The following CGNL1 variants were observed in gnomAD, a reference collection of about 807,000 sequenced individuals.
CGNL1 encodes cingulin like 1, also known as cingulin-like protein 1.
In CGNL1, 132 loss-of-function variants were observed where a neutral mutation model predicts 141.2. The observed-to-expected ratio is 0.93, with a 90% CI of 0.81 to 1.08. The LOEUF is 1.08. CGNL1 is among the 50% of genes least tolerant of loss of function. CGNL1 has a pLI of 0.00. For synonymous variants in CGNL1, 690 were observed against 622.1 expected, an observed-to-expected ratio of 1.11 and a Z score of -1.63; for missense variants, 1,870 against 1,588.6, an observed-to-expected ratio of 1.18 and a Z score of -3.01.
chr15:57,466,271 C>T (rs1390752412), intron 8 of CGNL1, among the ~76,000 whole-genome samples: 1 of 152,014 alleles, frequency 6.6e-6, no homozygotes, highest in Admixed American at 6.5e-5. Flanking sequence ...CTTCTTCTTC[C>T]TTGGGTTCGT....
At chr15:57,538,353 TGTTAA>T (rs1184852131) in intron 14 of CGNL1, among the ~76,000 whole-genome samples, 2 of 152,264 alleles carry the variant, frequency 1.3e-5, no homozygotes, top group Non-Finnish European at 2.9e-5. Context: ...TCACAGTAAC[TGTTAA>T]GTTTTATGGC....
At chr15:57,535,893 C>T (rs1485360591) in intron 14 of CGNL1, among the ~76,000 whole-genome samples, 2 of 152,298 alleles carry the variant, frequency 1.3e-5, no homozygotes, top group East Asian at 1.9e-4. Flanking sequence ...CCTTTCCATG[C>T]CTCCATTCTT....
chr15:57,500,838 G>A (rs1285672816), intron 8 of CGNL1, among the ~76,000 whole-genome samples: 1 of 152,100 alleles, frequency 6.6e-6, no homozygotes, highest in Non-Finnish European at 1.5e-5. Flanking sequence ...AGGAACAGAG[G>A]GCGCTAACAT....
chr15:57,507,649 A>G (rs1319255804), intron 8 of CGNL1, among the ~76,000 whole-genome samples: 1 of 152,258 alleles, frequency 6.6e-6, no homozygotes, highest in African/African-American at 2.4e-5. Context: ...TGTAAACTCT[A>G]CAAGTACGGC....
chr15:57,392,035 T>TG (rs2062549760), intron 1 of CGNL1, among the ~76,000 whole-genome samples: 2 of 150,088 alleles, frequency 1.3e-5, no homozygotes, highest in South Asian at 2.1e-4. Context: ...CATAAGATGG[T>TG]GAAAAAAAAG....
At chr15:57,520,080 G>A (rs2031145213) in intron 10 of CGNL1, among the ~76,000 whole-genome samples, 1 of 152,234 alleles carries the variant, frequency 6.6e-6, no homozygotes, top group African/African-American at 2.4e-5. Flanking sequence ...TGTTTTCCCA[G>A]TGGTGTGGGG....
intron 1 of CGNL1, among the ~76,000 whole-genome samples, chr15:57,411,565 T>G (rs2062787772): frequency 6.6e-6 from 1 of 151,212 alleles, no homozygotes; most frequent in African/African-American, 2.4e-5. Flanking sequence ...TGCTTCACCC[T>G]CCCAAGTATC....
At chr15:57,467,449 G>A (rs1333950870) in intron 8 of CGNL1, among the ~76,000 whole-genome samples, 1 of 152,112 alleles carries the variant, frequency 6.6e-6, no homozygotes, top group Admixed American at 6.5e-5. Flanking sequence ...GAGATGTCTG[G>A]GCTGGGCTTT....
At chr15:57,515,289 C>G (rs956135970) in intron 8 of CGNL1, among the ~76,000 whole-genome samples, 1 of 152,196 alleles carries the variant, frequency 6.6e-6, no homozygotes, top group African/African-American at 2.4e-5. Flanking sequence ...TGGGCTTTCT[C>G]TGTTGTATAG....
chr15:57,433,045 A>G (rs555533109), intron 1 of CGNL1, among the ~76,000 whole-genome samples: 2 of 152,328 alleles, frequency 1.3e-5, no homozygotes, highest in South Asian at 4.1e-4. Flanking sequence ...CAGCATAAGA[A>G]CTGATTTTTC....
At chr15:57,492,419 G>T (rs113637550) in intron 8 of CGNL1, among the ~76,000 whole-genome samples, 190 of 152,306 alleles carry the variant, frequency 1.2e-3, no homozygotes, top group African/African-American at 4.1e-3. Flanking sequence ...AGGAAACTTT[G>T]TGAGCAATAG....
At chr15:57,502,185 G>C (rs1455204717) in intron 8 of CGNL1, among the ~76,000 whole-genome samples, 2 of 152,208 alleles carry the variant, frequency 1.3e-5, no homozygotes, top group East Asian at 3.8e-4. Flanking sequence ...AGACAGGATG[G>C]TATGAGGGTG....
chr15:57,464,668 T>TC (rs2063487531), intron 8 of CGNL1, among the ~76,000 whole-genome samples: 1 of 142,142 alleles, frequency 7.0e-6, no homozygotes, highest in African/African-American at 2.6e-5. Flanking sequence ...CTCTGCGGTT[T>TC]CTTTTCCTTT....
chr15:57,448,172 T>C (rs777988377), intron 4 of CGNL1, among the ~76,000 whole-genome samples: 18 of 152,066 alleles, frequency 1.2e-4, no homozygotes, highest in Non-Finnish European at 2.6e-4. Flanking sequence ...TTGCCAGGCA[T>C]GGTGGCTCAT....
chr15:57,473,830 G>A (rs2063613522), intron 8 of CGNL1, among the ~76,000 whole-genome samples: 1 of 150,560 alleles, frequency 6.6e-6, no homozygotes, highest in African/African-American at 2.4e-5. Flanking sequence ...CATCTTGACT[G>A]CAGCCTCATC....
At position 57,439,469 on chromosome 15, in the gene CGNL1, G is replaced by A. The variant is rs758390323; in HGVS notation, c.1470G>A (p.Gln490=). The A allele has an allele frequency of 1.2e-6, 2 of 1,614,096 alleles. No homozygotes were observed. The highest frequency in any genetic ancestry group is 1.7e-6 in the Non-Finnish European group (2 of 1,180,046). Residue 490 remains glutamine, a synonymous_variant, in exon 2 of 19, where the codon CAG becomes CAA. Transcript: ENST00000281282. ...TVIRAPSLGA[Q]SKKEEEVKTA... Reference sequence around the variant, plus strand: ...TCCGTGCGCCCTCCCTTGGTGCACAGAGTAAAAAGGAGGAGGAGGTGAAAA... The same window carrying A: ...TCCGTGCGCCCTCCCTTGGTGCACAAAGTAAAAAGGAGGAGGAGGTGAAAA...
intron 3 of CGNL1, among the ~76,000 whole-genome samples, chr15:57,441,799 C>T (rs957332152): frequency 1.1e-4 from 17 of 152,242 alleles, no homozygotes; most frequent in African/African-American, 3.9e-4. Flanking sequence ...TAATTGCTGA[C>T]GGTGTGGTAG....
At chr15:57,423,532 A>G (rs144270965) in intron 1 of CGNL1, among the ~76,000 whole-genome samples, 2 of 152,242 alleles carry the variant, frequency 1.3e-5, no homozygotes, top group East Asian at 3.9e-4. Context: ...TCCAGCTTCC[A>G]TGCCTTCCAC....
intron 8 of CGNL1, among the ~76,000 whole-genome samples, chr15:57,511,247 C>T (rs1260004617): frequency 3.3e-5 from 5 of 152,138 alleles, no homozygotes; most frequent in African/African-American, 1.2e-4. Flanking sequence ...ATCTTTATCC[C>T]TCTTACCTTC....
Sources: gnomAD v4.1 joint callset for allele counts (sites outside exome capture counted in the v4.1 genomes callset) on GRCh38, gnomAD v4.1.1 for gene constraint, MANE v1.5 for transcripts, NCBI Gene and HGNC (gene_info 2026-07-23, HGNC 2026-07-21) for gene names.